CLSTN2: variants seen among roughly 807,000 people sequenced by gnomAD.
CLSTN2 encodes the protein calsyntenin 2, also known as calsyntenin-2.
Under a neutral mutation model 101.2 loss-of-function variants are expected in CLSTN2, and 48 were observed. The observed-to-expected ratio is 0.47, with a 90% CI of 0.38 to 0.60. The LOEUF (loss-of-function observed/expected upper bound fraction) is 0.60, where lower values mean the gene tolerates loss of function less well. Among genes scored for constraint, CLSTN2 ranks in the 20% least tolerant of loss-of-function variants. The pLI is 0.00. For missense variants in CLSTN2, 1,160 were observed against 1,238.2 expected, an observed-to-expected ratio of 0.94 and a Z score of 0.95; for synonymous variants, 481 against 463.6, an observed-to-expected ratio of 1.04 and a Z score of -0.48.
At chr3:140,318,163 T>C (rs2087246684) in intron 2 of CLSTN2, among the ~76,000 whole-genome samples, 1 of 152,172 alleles carries the variant, frequency 6.6e-6, no homozygotes, top group South Asian at 2.1e-4. Context: ...CTGCACCATA[T>C]CATCTCTCAG....
chr3:139,974,634 G>A (rs1020664386), intron 1 of CLSTN2, among the ~76,000 whole-genome samples: 2 of 152,206 alleles, frequency 1.3e-5, no homozygotes, highest in African/African-American at 2.4e-5. Flanking sequence ...TGGGCAGGAA[G>A]GTTTTTAACT....
intron 2 of CLSTN2, among the ~76,000 whole-genome samples, chr3:140,279,275 G>T (rs1489800541): frequency 2.0e-5 from 3 of 152,180 alleles, no homozygotes; most frequent in Non-Finnish European, 4.4e-5. Flanking sequence ...CCCACTGGCT[G>T]TTGAGGGCTC....
intron 8 of CLSTN2, among the ~76,000 whole-genome samples, chr3:140,496,719 G>C (rs1003322000): frequency 2.0e-5 from 3 of 152,150 alleles, no homozygotes; most frequent in Non-Finnish European, 4.4e-5. Context: ...CTGACCTGTT[G>C]TTGGCCTGGA....
intron 2 of CLSTN2, among the ~76,000 whole-genome samples, chr3:140,288,875 C>T (rs2086922668): frequency 6.6e-6 from 1 of 152,202 alleles, no homozygotes; most frequent in Admixed American, 6.5e-5. Flanking sequence ...GAGCTGGACT[C>T]TTTTCACTCA....
At chr3:140,192,378 T>C (rs2010580515) in intron 2 of CLSTN2, among the ~76,000 whole-genome samples, 1 of 151,958 alleles carries the variant, frequency 6.6e-6, no homozygotes, top group African/African-American at 2.4e-5. Context: ...ACTAGTTCTA[T>C]GAATTATTGA....
intron 1 of CLSTN2, among the ~76,000 whole-genome samples, chr3:140,126,795 G>C (rs572683609): frequency 1.3e-5 from 2 of 152,176 alleles, no homozygotes; most frequent in Non-Finnish European, 2.9e-5. Flanking sequence ...CCTGAATTGT[G>C]CCAGGGTCTA....
At chr3:140,459,798 C>T (rs1234184495) in intron 7 of CLSTN2, 29 bp downstream of exon 7, 13 of 281,688 alleles carry the variant, frequency 4.6e-5, no homozygotes, top group Non-Finnish European at 7.2e-5. Flanking sequence ...CCTTCCACCC[C>T]TCCTACCCCA....
At chr3:140,035,606 A>G (rs1035508130) in intron 1 of CLSTN2, among the ~76,000 whole-genome samples, 1 of 152,180 alleles carries the variant, frequency 6.6e-6, no homozygotes, top group Non-Finnish European at 1.5e-5. Context: ...GGATAATAAT[A>G]GTACCTGCCT....
At chr3:140,296,298 A>G (rs2087002371) in intron 2 of CLSTN2, among the ~76,000 whole-genome samples, 1 of 152,220 alleles carries the variant, frequency 6.6e-6, no homozygotes. Flanking sequence ...GTTAATTGAG[A>G]TGTGCTATGT....
At chr3:140,307,803 G>A (rs989072083) in intron 2 of CLSTN2, among the ~76,000 whole-genome samples, 2 of 152,204 alleles carry the variant, frequency 1.3e-5, no homozygotes, top group African/African-American at 4.8e-5. Flanking sequence ...AGAGGAGTCT[G>A]AGTCATTTCT....
rs1455376333 is a variant in CLSTN2, at chr3:139,935,707, G to A, written c.109+224G>A. ...AACCCCTGGGCGGGGTCCGGGGGCTGAGCAGAAGGCGAGGTCTGGGGAGTA... is the reference window on the plus strand; with the variant it reads ...AACCCCTGGGCGGGGTCCGGGGGCTAAGCAGAAGGCGAGGTCTGGGGAGTA... On this transcript the variant is annotated intron_variant, in intron 1 of 16. Coordinates refer to ENST00000458420, the MANE Select transcript of CLSTN2 (RefSeq NM_022131.3). The surrounding 1 kb of genome is among the most constrained non-coding windows in gnomAD (Gnocchi z 5.5). Among the ~76,000 whole-genome samples, 1 of 152,168 alleles carries A rather than the reference G, an allele frequency of 6.6e-6. No individual in the cohort carries two copies. Among genetic ancestry groups the A allele is most frequent in the Non-Finnish European group, 1.5e-5 (1 of 68,030 alleles).
chr3:140,437,630 T>G (rs1008649671), intron 5 of CLSTN2, among the ~76,000 whole-genome samples: 2 of 152,192 alleles, frequency 1.3e-5, no homozygotes, highest in African/African-American at 2.4e-5. Context: ...AGAAAGAGGC[T>G]GGCTGTCTGG....
intron 8 of CLSTN2, among the ~76,000 whole-genome samples, chr3:140,530,727 TG>T (rs1374866630): frequency 6.6e-6 from 1 of 152,210 alleles, no homozygotes; most frequent in Admixed American, 6.5e-5. Context: ...GAGGCCAGGA[TG>T]GGGGAGCCCC....
intron 1 of CLSTN2, among the ~76,000 whole-genome samples, chr3:140,112,847 C>A (rs904596068): frequency 6.6e-6 from 1 of 152,112 alleles, no homozygotes; most frequent in African/African-American, 2.4e-5. Flanking sequence ...TGCAAACATG[C>A]CTTTAGAGAC....
chr3:140,533,579 C>G lies in CLSTN2; in HGVS notation c.1507+1093C>G, dbSNP rs539065383. ...CAAAAAAATTAGCCGGGCATGGTGG[C>G]GGGTGCTTGTAGTCCCAGCTACTCG... On this transcript the variant is annotated intron_variant, in intron 9 of 16. Transcript: ENST00000458420. 4.7e-4 allele frequency among the ~76,000 whole-genome samples: 72 copies of G among 151,944 alleles called. 2 individuals carry two copies. The South Asian group carries it at 0.014, about 30-fold the overall frequency.
intron 2 of CLSTN2, among the ~76,000 whole-genome samples, chr3:140,242,924 C>T (rs931367296): frequency 4.6e-5 from 7 of 152,212 alleles, no homozygotes; most frequent in Non-Finnish European, 7.3e-5. Context: ...GCCACACATG[C>T]GCTCATGGCT....
chr3:140,030,860 G>A (rs2007532000), intron 1 of CLSTN2, among the ~76,000 whole-genome samples: 1 of 152,214 alleles, frequency 6.6e-6, no homozygotes, highest in African/African-American at 2.4e-5. Flanking sequence ...TCCCTTTGGT[G>A]GGACGCATTA....
At chr3:139,967,558 A>C (rs9821561) in intron 1 of CLSTN2, among the ~76,000 whole-genome samples, 17,130 of 152,226 alleles carry the variant, frequency 0.11, 1,027 homozygotes, top group Non-Finnish European at 0.13. Flanking sequence ...CAAGGCAGCT[A>C]TCAGGAAACG....
At chr3:140,559,074 G>A (rs929534991) in intron 12 of CLSTN2, among the ~76,000 whole-genome samples, 3 of 151,868 alleles carry the variant, frequency 2.0e-5, no homozygotes, top group Non-Finnish European at 2.9e-5. Flanking sequence ...TATGAGGTTG[G>A]AGGGAACGCA....
Sources: allele counts gnomAD v4.1 joint callset (sites outside exome capture counted in the v4.1 genomes callset), GRCh38; gene constraint gnomAD v4.1.1; non-coding constraint Gnocchi (gnomAD v3.1); transcripts MANE v1.5; gene names NCBI Gene and HGNC (gene_info 2026-07-23, HGNC 2026-07-21).